Variants in HDAC5 observed in about 807,000 individuals in gnomAD.
The protein encoded by HDAC5 is histone deacetylase 5.
In HDAC5, 25 loss-of-function variants were observed where a neutral mutation model predicts 133.3. That is an observed-to-expected ratio of 0.19 (90% CI 0.14 to 0.26). The LOEUF (loss-of-function observed/expected upper bound fraction) is 0.26. Among genes scored for constraint, HDAC5 ranks in the 10% least tolerant of loss-of-function variants. HDAC5 has a pLI of 1.00. For synonymous variants in HDAC5, 589 were observed against 610.8 expected (o/e 0.96, Z 0.53); for missense variants, 1,041 against 1,460.5 (o/e 0.71, Z 4.68).
intron 18 of HDAC5, 23 bp downstream of exon 18, chr17:44,083,522 C>T (rs2050497630): frequency 2.5e-6 from 4 of 1,576,496 alleles, no homozygotes; most frequent in East Asian, 2.3e-5. Context: ...CAAGGGGCAC[C>T]GAGGTCACAA....
chr17:44,107,425 T>C (rs554444385), intron 3 of HDAC5, among the ~76,000 whole-genome samples: 32 of 151,926 alleles, frequency 2.1e-4, no homozygotes, highest in Non-Finnish European at 3.7e-4. Flanking sequence ...TTGGCCAACA[T>C]AGTGAAAACC....
chr17:44,082,111 C>T (rs1051832580), intron 20 of HDAC5: 5 of 155,412 alleles, frequency 3.2e-5, no homozygotes, highest in South Asian at 2.0e-4. Context: ...AACCCAGTGC[C>T]GACATCCCCA....
At chr17:44,098,941 A>C (rs2051425385) in intron 3 of HDAC5, among the ~76,000 whole-genome samples, 1 of 149,834 alleles carries the variant, frequency 6.7e-6, no homozygotes, top group Admixed American at 6.7e-5. Context: ...ACATGGAAAA[A>C]CCCCATCTTT....
intron 20 of HDAC5, chr17:44,081,737 CCTAA>C (rs1025018050): frequency 3.3e-5 from 5 of 151,848 alleles, no homozygotes; most frequent in African/African-American, 1.2e-4. Context: ...CGCCACCACA[CCTAA>C]CTAATTTTTT....
intron 9 of HDAC5, 22 bp from the exon 10 acceptor site, chr17:44,091,853 C>T: frequency 6.5e-7 from 1 of 1,532,710 alleles, no homozygotes; most frequent in South Asian, 1.3e-5. Flanking sequence ...TCAGAAGAGA[C>T]AGGCATGAGA....
intron 2 of HDAC5, among the ~76,000 whole-genome samples, chr17:44,115,710 A>G (rs2052604868): frequency 6.6e-6 from 1 of 152,172 alleles, no homozygotes; most frequent in South Asian, 2.1e-4. Flanking sequence ...AAGCCTCTCA[A>G]CAATCCTAAA....
chr17:44,088,541 C>T lies in HDAC5; in HGVS notation c.1445G>A (p.Arg482Gln), dbSNP rs750983995. The T allele has an allele frequency of 6.2e-6, 10 of 1,613,388 alleles. No individual in the cohort carries two copies. Among genetic ancestry groups the T allele is most frequent in the East Asian group, 4.5e-5 (2 of 44,882 alleles). The change falls in exon 12 of 27, where the codon CGG (arginine) becomes CAG (glutamine). Residue 482 changes from arginine (R) to glutamine (Q), a missense_variant. This residue lies in a region of HDAC5 where 433 missense variants were observed against 531.6 expected (regional missense o/e 0.81). Coordinates refer to ENST00000682912, the MANE Select transcript of HDAC5 (RefSeq NM_005474.5). ...VTGERVATSM[R>Q]TVGKLPRHRP... is the part of the protein sequence containing the mutation. ...ATGCCGCGGGAGCTTGCCTACCGTC[C>T]GCATGCTGGTGGCCACACGTTCACC...
intron 11 of HDAC5, among the ~76,000 whole-genome samples, chr17:44,090,496 T>C (rs1567995186): frequency 1.3e-5 from 2 of 151,504 alleles, no homozygotes; most frequent in African/African-American, 4.8e-5. Flanking sequence ...TGCCTCAGCC[T>C]CCCGAGTAGC....
chr17:44,107,625 A>AAAG (rs1555549466), intron 3 of HDAC5, among the ~76,000 whole-genome samples: 9 of 151,246 alleles, frequency 6.0e-5, no homozygotes, highest in African/African-American at 2.2e-4. Context: ...AAAAAAAAAA[A>AAAG]AAAGGGCAGG....
chr17:44,120,195 A>G (rs1207066671), intron 1 of HDAC5: 1 of 152,266 alleles, frequency 6.6e-6, no homozygotes, highest in Non-Finnish European at 1.5e-5. Flanking sequence ...TCCAAAGGCC[A>G]TAGGTTCACA....
Position 44,088,450 on chromosome 17 carries a change from GACCA to G in HDAC5, c.1532_1535del (p.Leu511ProfsTer45). ...GGAACTGCTGGTGCTGTTGTTGCAT[GACCA>G]GCTGCTGCAGGGCCTGGGGACTCTG... On this transcript the variant is annotated frameshift_variant, in exon 12 of 27. Coordinates refer to ENST00000682912, the MANE Select transcript of HDAC5 (RefSeq NM_005474.5). LOFTEE classifies it high-confidence loss of function. 2.5e-6 allele frequency: 4 copies of G among 1,599,250 alleles called. No homozygotes were observed. Among genetic ancestry groups the G allele is most frequent in the Non-Finnish European group, 3.4e-6 (4 of 1,173,556 alleles).
intron 1 of HDAC5, chr17:44,123,214 T>G: frequency 2.4e-5 from 6 of 254,496 alleles, no homozygotes; most frequent in Admixed American, 5.5e-5. Context: ...TCCGAGCCAT[T>G]TGGGGGCGCA....
intron 3 of HDAC5, among the ~76,000 whole-genome samples, chr17:44,096,317 G>GCC (rs1170678148): frequency 6.6e-6 from 1 of 151,844 alleles, no homozygotes; most frequent in Non-Finnish European, 1.5e-5. Flanking sequence ...TGGCAAAGTG[G>GCC]CCCACTCCAG....
At chr17:44,083,919 T>C in intron 16 of HDAC5, 65 bp from the exon 17 acceptor site, 1 of 1,288,634 alleles carries the variant, frequency 7.8e-7, no homozygotes, top group South Asian at 1.2e-5. Context: ...AGGTCAGGAG[T>C]TCGAGACCAG....
In HDAC5 at chr17:44,091,718, G is replaced by A; in HGVS notation, c.1146C>T (p.Val382=). 6.3e-7 allele frequency: 1 copy of A among 1,576,782 alleles called. No homozygotes were observed. The highest frequency in any genetic ancestry group is 1.2e-5 in the South Asian group (1 of 84,826). Residue 382 remains valine, a synonymous_variant, in exon 10 of 27, where the codon GTC becomes GTT. Coordinates refer to ENST00000682912, the MANE Select transcript of HDAC5 (RefSeq NM_005474.5). ...ISLGLQATVT[V]TNSHLTASPK... is the part of the protein sequence containing the mutation. ...TACTTACAGTGAGGTGTGAGTTGGT[G>A]ACAGTGACCGTGGCCTGCAGCCCTA...
At position 44,093,756 on chromosome 17, in the gene HDAC5, T is replaced by C; in HGVS notation, c.173A>G (p.Glu58Gly). Reference protein sequence around the residue: ...GGGGGSPSPVELRGALVGSVD... With the variant: ...GGGGGSPSPVGLRGALVGSVD... ...AGAGCCCACCAGAGCCCCCCGTAGC[T>C]CCACAGGGCTGGGGCTGCCTCCACC... Residue 58 changes from glutamate (E) to glycine (G), a missense_variant, in exon 4 of 27, where the codon GAG (glutamate) becomes GGG (glycine). Coordinates refer to ENST00000682912, the MANE Select transcript of HDAC5 (RefSeq NM_005474.5). 4 of 1,598,766 alleles carry C rather than the reference T, an allele frequency of 2.5e-6. No individual in the cohort carries two copies. The highest frequency in any genetic ancestry group is 3.4e-6 in the Non-Finnish European group (4 of 1,172,122).
intron 3 of HDAC5, among the ~76,000 whole-genome samples, chr17:44,100,626 C>A (rs1418623875): frequency 6.7e-6 from 1 of 149,318 alleles, no homozygotes; most frequent in East Asian, 2.0e-4. Context: ...TGGCCCACAC[C>A]TGTAATCCCA....
intron 19 of HDAC5, 31 bp downstream of exon 19, chr17:44,082,734 G>C: frequency 6.2e-7 from 1 of 1,604,652 alleles, no homozygotes; most frequent in Non-Finnish European, 8.5e-7. Flanking sequence ...GAGACAGGAA[G>C]GGGCGAGGGC....
chr17:44,116,026 G>A (rs938869277), intron 2 of HDAC5: 1 of 152,278 alleles, frequency 6.6e-6, no homozygotes, highest in Non-Finnish European at 1.5e-5. Context: ...ATCCTGGGTT[G>A]ATTATCACAT....
Sources: allele counts gnomAD v4.1 joint callset (sites outside exome capture counted in the v4.1 genomes callset), GRCh38; gene constraint gnomAD v4.1.1; regional missense constraint gnomAD v4.1.1; transcripts MANE v1.5; gene names NCBI Gene and HGNC (gene_info 2026-07-23, HGNC 2026-07-21).